LRCH2: variants seen among roughly 807,000 people sequenced by gnomAD.
The protein encoded by LRCH2 is leucine-rich repeat and calponin homology domain-containing protein 2.
In LRCH2, 38 loss-of-function variants were observed where a neutral mutation model predicts 68.9. The ratio of observed to expected loss-of-function variants is 0.55; its 90% confidence interval spans 0.43 to 0.72. The LOEUF is 0.72. LRCH2 is among the 30% of genes least tolerant of loss of function. The pLI is 0.00. For synonymous variants in LRCH2, 191 were observed against 208.1 expected, an observed-to-expected ratio of 0.92 and a Z score of 0.71; for missense variants, 528 against 572.9, an observed-to-expected ratio of 0.92 and a Z score of 0.80.
At chrX:115,150,195 G>T in intron 12 of LRCH2, 125 bp from the exon 13 acceptor site, 1 of 511,426 alleles carries the variant, frequency 2.0e-6, no homozygotes, top group South Asian at 5.9e-5. Context: ...CTACACTTTG[G>T]CCTAACAACA....
Position 115,166,307 on chromosome X carries a change from G to A in LRCH2, c.1034C>T (p.Pro345Leu). The A allele has an allele frequency of 8.4e-7, 1 of 1,193,618 alleles. No individual in the cohort carries two copies. The highest frequency in any genetic ancestry group is 1.1e-6 in the Non-Finnish European group (1 of 882,243). The change falls in exon 7 of 21, where the codon CCT becomes CTT. Residue 345 changes from proline to leucine, a missense_variant. Physicochemically the swap from Pro to Leu is moderately conservative, Grantham distance 98. Transcript: ENST00000317135. ...ATTATCACTTCCAATTCCAGAGTCA[G>A]GGCCATGATTTTTATTTGGATAAAA... Reference protein sequence around the residue: ...EDFYPNKNHGPDSGIGSDNGE... With the variant: ...EDFYPNKNHGLDSGIGSDNGE...
At chrX:115,191,737 A>G (rs2072827707) in intron 1 of LRCH2, 1 of 1,161,173 alleles carries the variant, frequency 8.6e-7, no homozygotes, top group African/African-American at 1.8e-5. Context: ...GGGCCATGAC[A>G]GTTCCAGCCG....
chrX:115,174,082 T>A (rs1410774490), intron 5 of LRCH2, among the ~76,000 whole-genome samples: 1 of 111,280 alleles, frequency 9.0e-6, no homozygotes, highest in Admixed American at 9.6e-5. Context: ...TACATGGATT[T>A]TTTACAGTAT....
intron 3 of LRCH2, among the ~76,000 whole-genome samples, chrX:115,183,460 C>T: frequency 9.0e-6 from 1 of 111,071 alleles, no homozygotes; most frequent in East Asian, 2.8e-4. Flanking sequence ...TTTGGGAGGC[C>T]GAAGCAAGTG....
intron 1 of LRCH2, chrX:115,191,078 G>T (rs1180185553): frequency 6.9e-6 from 8 of 1,161,368 alleles, no homozygotes; most frequent in African/African-American, 3.7e-5. Context: ...CAGAGCCACC[G>T]CTATGGAGGA....
intron 14 of LRCH2, among the ~76,000 whole-genome samples, chrX:115,149,053 A>G (rs1556537496): frequency 8.9e-6 from 1 of 111,816 alleles, no homozygotes; most frequent in Non-Finnish European, 1.9e-5. Context: ...AATTACTATT[A>G]TCATCTAATA....
chrX:115,118,501 G>A (rs1443159683), intron 20 of LRCH2, among the ~76,000 whole-genome samples: 1 of 108,652 alleles, frequency 9.2e-6, no homozygotes, highest in Non-Finnish European at 1.9e-5. Flanking sequence ...ACCAATAACA[G>A]GATCTGAAAT....
intron 20 of LRCH2, among the ~76,000 whole-genome samples, chrX:115,121,949 T>C (rs1220994543): frequency 1.8e-5 from 2 of 111,345 alleles, no homozygotes; most frequent in East Asian, 5.7e-4. Flanking sequence ...AGAAGCAATA[T>C]TGTGATTATA....
chrX:115,131,791 C>T (rs782326780), intron 14 of LRCH2, among the ~76,000 whole-genome samples: 26 of 111,705 alleles, frequency 2.3e-4, no homozygotes, highest in Admixed American at 2.0e-3. Context: ...TTTTAATGAT[C>T]GCCATTCTAA....
At chrX:115,164,298 CA>C (rs2072541793) in intron 10 of LRCH2, among the ~76,000 whole-genome samples, 1 of 111,500 alleles carries the variant, frequency 9.0e-6, no homozygotes, top group South Asian at 3.7e-4. Flanking sequence ...ACTAATATGT[CA>C]TCTTTATAAA....
At chrX:115,175,106 C>T (rs975283046) in intron 5 of LRCH2, among the ~76,000 whole-genome samples, 10 of 112,002 alleles carry the variant, frequency 8.9e-5, no homozygotes, top group Non-Finnish European at 1.1e-4. Context: ...TTGCTAAACA[C>T]GTGGAGGTGC....
intron 14 of LRCH2, among the ~76,000 whole-genome samples, chrX:115,135,420 C>T (rs1286919547): frequency 2.7e-5 from 3 of 110,973 alleles, no homozygotes; most frequent in Admixed American, 9.6e-5. Context: ...TGAGCTGCCA[C>T]GCCTGGCCTA....
chrX:115,131,026 T>C (rs145860232), intron 14 of LRCH2, among the ~76,000 whole-genome samples: 279 of 111,737 alleles, frequency 2.5e-3, no homozygotes, highest in African/African-American at 8.3e-3. Flanking sequence ...TATGTCCAAA[T>C]TTCTATGCCT....
rs1474593682 is a variant in LRCH2 at position 115,165,436 on chromosome X, G to A, written c.1324C>T (p.Arg442Trp). The change falls in exon 10 of 21, where the codon CGG (arginine) becomes TGG (tryptophan). Residue 442 changes from arginine to tryptophan, a missense_variant. Transcript: ENST00000317135. ...TCATCTCCTAATTCTTCATTTTTCC[G>A]AGATTTTTCAGAACATTTTTCTTTT... is the stretch of plus-strand genomic sequence containing the variant. Reference protein sequence around the residue: ...KGKEKCSEKSRKNEELGDEKR... With the variant: ...KGKEKCSEKSWKNEELGDEKR... The A allele has an allele frequency of 5.7e-5, 64 of 1,129,786 alleles. No individual in the cohort carries two copies. Among genetic ancestry groups the A allele is most frequent in the Admixed American group, 8.2e-5 (3 of 36,642 alleles). 93.1% of individuals were successfully genotyped at this position (1,129,786 alleles called of 1,213,427 possible).
chrX:115,167,197 A>AAAG lies in LRCH2; in HGVS notation c.999-856_999-855insCTT, dbSNP rs1250633341. Among the ~76,000 whole-genome samples the AAAG allele has an allele frequency of 8.1e-5, 8 of 99,215 alleles. No homozygotes were observed. The South Asian group carries it at 2.8e-3, about 35-fold the overall frequency. 86.2% of individuals were successfully genotyped at this position (99,215 alleles called of 115,157 possible). On this transcript the variant is annotated intron_variant, in intron 6 of 20. Transcript: ENST00000317135. ...CCTAAAACCAGTTTCATGCTAAAAA[A>AAAG]AAAAAAAAAAAAAAAAAAAAAACAA... is the stretch of plus-strand genomic sequence containing the variant.
chrX:115,163,877 C>T (rs890607879), intron 10 of LRCH2, 94 bp from the exon 11 acceptor site: 7 of 556,686 alleles, frequency 1.3e-5, no homozygotes, highest in Non-Finnish European at 2.8e-6. Flanking sequence ...GTTTTTAACA[C>T]CATATGAAAG....
At chrX:115,129,638 C>T (rs970903690) in intron 15 of LRCH2, among the ~76,000 whole-genome samples, 3 of 111,274 alleles carry the variant, frequency 2.7e-5, no homozygotes, top group African/African-American at 9.8e-5. Context: ...ACCAATCTCT[C>T]CAACAAAAAT....
chrX:115,130,349 A>G (rs2072232912), intron 14 of LRCH2, 150 bp from the exon 15 acceptor site: 1 of 327,953 alleles, frequency 3.0e-6, no homozygotes, highest in East Asian at 5.0e-5. Context: ...AAATAGTCCT[A>G]CTACTAATAA....
chrX:115,121,651 T>C (rs2072144573), intron 20 of LRCH2, among the ~76,000 whole-genome samples: 1 of 111,970 alleles, frequency 8.9e-6, no homozygotes, highest in African/African-American at 3.3e-5. Flanking sequence ...AGACTCTGTC[T>C]CAAAAAAACA....
Sources: gnomAD v4.1 joint callset for allele counts (sites outside exome capture counted in the v4.1 genomes callset) on GRCh38, gnomAD v4.1.1 for gene constraint, MANE v1.5 for transcripts, NCBI Gene and HGNC (gene_info 2026-07-23, HGNC 2026-07-21) for gene names.